Variants in CCSER1 observed in about 807,000 individuals in gnomAD.
The protein encoded by CCSER1 is serine-rich coiled-coil domain-containing protein 1.
A neutral mutation model predicts 82.0 loss-of-function variants in CCSER1; 41 were observed. The ratio of observed to expected loss-of-function variants is 0.50; its 90% CI spans 0.39 to 0.65. CCSER1 has a LOEUF of 0.65. Ranked by LOEUF, CCSER1 falls within the 30% of genes least tolerant of loss-of-function variation. The probability of loss-of-function intolerance (pLI) is 0.00; values close to 1 mark genes in which losing one functional copy is unlikely to be tolerated. For missense variants in CCSER1, 1,119 were observed against 1,064.2 expected (o/e 1.05, Z -0.72); for synonymous variants, 414 against 383.9 (o/e 1.08, Z -0.92).
At chr4:91,310,513 A>G (rs1745394142) in intron 10 of CCSER1, among the ~76,000 whole-genome samples, 1 of 151,944 alleles carries the variant, frequency 6.6e-6, no homozygotes, top group African/African-American at 2.4e-5. Context: ...CTTGATGAAC[A>G]TGGTCTTCCC....
At chr4:90,749,863 C>T (rs1413514821) in intron 7 of CCSER1, among the ~76,000 whole-genome samples, 1 of 151,670 alleles carries the variant, frequency 6.6e-6, no homozygotes, top group East Asian at 1.9e-4. Context: ...TGAGGAATCG[C>T]CACACTGACT....
chr4:91,035,824 C>A (rs1741384853), intron 9 of CCSER1, among the ~76,000 whole-genome samples: 1 of 152,154 alleles, frequency 6.6e-6, no homozygotes, highest in Admixed American at 6.5e-5. Flanking sequence ...GATTCCCAAA[C>A]TGCTGATTAC....
intron 5 of CCSER1, among the ~76,000 whole-genome samples, chr4:90,506,152 A>G (rs936769216): frequency 6.6e-6 from 1 of 152,174 alleles, no homozygotes; most frequent in Non-Finnish European, 1.5e-5. Flanking sequence ...AGTTTTAAAT[A>G]TTCTAGTCCT....
At chr4:91,135,308 A>G (rs1264028360) in intron 10 of CCSER1, among the ~76,000 whole-genome samples, 2 of 152,298 alleles carry the variant, frequency 1.3e-5, no homozygotes, top group East Asian at 3.9e-4. Flanking sequence ...TTAAAGAAGT[A>G]TTACAGTCAC....
chr4:90,929,030 T>C (rs900456903), intron 9 of CCSER1, among the ~76,000 whole-genome samples: 2 of 152,100 alleles, frequency 1.3e-5, no homozygotes, highest in Non-Finnish European at 2.9e-5. Context: ...TTAATTACAT[T>C]TGCTTCTCCT....
chr4:90,433,724 G>A (rs1300878460), intron 4 of CCSER1, among the ~76,000 whole-genome samples: 1 of 152,000 alleles, frequency 6.6e-6, no homozygotes, highest in Non-Finnish European at 1.5e-5. Flanking sequence ...TCTGCTTAAT[G>A]TGGAACCTTT....
At chr4:90,675,148 C>A (rs1043682298) in intron 6 of CCSER1, among the ~76,000 whole-genome samples, 2 of 151,926 alleles carry the variant, frequency 1.3e-5, no homozygotes, top group Non-Finnish European at 2.9e-5. Flanking sequence ...TAGTGCTTTA[C>A]CTCATAAGAC....
At chr4:90,250,936 T>TCCC (rs1335015767) in intron 1 of CCSER1, among the ~76,000 whole-genome samples, 1 of 152,034 alleles carries the variant, frequency 6.6e-6, no homozygotes, top group Non-Finnish European at 1.5e-5. Context: ...AGATTTTTTC[T>TCCC]TGTGAATGCT....
At chr4:90,323,433 G>A (rs1295490371) in intron 3 of CCSER1, among the ~76,000 whole-genome samples, 1 of 152,210 alleles carries the variant, frequency 6.6e-6, no homozygotes, top group African/African-American at 2.4e-5. Flanking sequence ...CCCTAGGAGG[G>A]AGGATTCTCC....
chr4:90,907,039 G>A (rs753738126), intron 8 of CCSER1, among the ~76,000 whole-genome samples: 15 of 152,054 alleles, frequency 9.9e-5, no homozygotes, highest in Admixed American at 2.6e-4. Context: ...AACTTGTATT[G>A]GAATGCAGCC....
intron 3 of CCSER1, among the ~76,000 whole-genome samples, chr4:90,336,440 G>T (rs1364676945): frequency 6.6e-6 from 1 of 152,166 alleles, no homozygotes; most frequent in African/African-American, 2.4e-5. Context: ...ACAATTCTGT[G>T]CTTTCATTAA....
chr4:91,107,571 G>C (rs1315310935), intron 10 of CCSER1, among the ~76,000 whole-genome samples: 1 of 151,616 alleles, frequency 6.6e-6, no homozygotes, highest in African/African-American at 2.4e-5. Context: ...CCTTGGTTAA[G>C]CAATGCATGA....
At chr4:91,457,534 G>A (rs144602422) in intron 10 of CCSER1, among the ~76,000 whole-genome samples, 1 of 152,140 alleles carries the variant, frequency 6.6e-6, no homozygotes, top group African/African-American at 2.4e-5. Context: ...GTCATGTGTG[G>A]TGGCGCATGC....
intron 9 of CCSER1, among the ~76,000 whole-genome samples, chr4:90,972,618 C>T (rs1240160859): frequency 6.6e-6 from 1 of 151,582 alleles, no homozygotes; most frequent in East Asian, 1.9e-4. Context: ...AAATTCAACT[C>T]ATTCTTTACC....
chr4:91,439,476 A>G (rs1051783247), intron 10 of CCSER1, among the ~76,000 whole-genome samples: 2 of 152,184 alleles, frequency 1.3e-5, no homozygotes, highest in African/African-American at 4.8e-5. Context: ...GAGCTCCTGA[A>G]GGAAGCACTA....
At chr4:90,423,456 T>A (rs1467724553) in intron 4 of CCSER1, among the ~76,000 whole-genome samples, 2 of 152,008 alleles carry the variant, frequency 1.3e-5, no homozygotes, top group Non-Finnish European at 2.9e-5. Flanking sequence ...AATCTCCTGA[T>A]GTCGTGATCT....
intron 5 of CCSER1, among the ~76,000 whole-genome samples, chr4:90,498,921 T>C (rs543163130): frequency 6.6e-6 from 1 of 152,266 alleles, no homozygotes; most frequent in South Asian, 2.1e-4. Flanking sequence ...AGGCATCATT[T>C]TCTCATAAAA....
At chr4:90,135,044 C>G (rs1213878670) in intron 1 of CCSER1, among the ~76,000 whole-genome samples, 1 of 152,004 alleles carries the variant, frequency 6.6e-6, no homozygotes, top group Non-Finnish European at 1.5e-5. Context: ...TATTTTGTAG[C>G]TTTTGTCAAA....
intron 8 of CCSER1, among the ~76,000 whole-genome samples, chr4:90,914,584 A>G (rs1259297235): frequency 4.6e-5 from 7 of 152,154 alleles, no homozygotes; most frequent in Non-Finnish European, 1.0e-4. Flanking sequence ...AATTAAAAGA[A>G]CTAGAGAAGC....
Sources: allele counts gnomAD v4.1 joint callset (sites outside exome capture counted in the v4.1 genomes callset), GRCh38; gene constraint gnomAD v4.1.1; transcripts MANE v1.5; gene names NCBI Gene and HGNC (gene_info 2026-07-23, HGNC 2026-07-21).